The following UTRN variants were observed in gnomAD, a reference collection of about 807,000 sequenced individuals.
UTRN encodes the protein dystrophin-related protein 1.
Under a neutral mutation model 463.9 loss-of-function variants are expected in UTRN, and 283 were observed. The observed-to-expected ratio is 0.61, with a 90% confidence interval of 0.55 to 0.67. UTRN has a LOEUF of 0.67. Among genes scored for constraint, UTRN ranks in the 30% least tolerant of loss-of-function variants. The pLI, the probability that UTRN is intolerant of heterozygous loss-of-function variation, is 0.00. For missense variants in UTRN, 3,922 were observed against 4,084.3 expected (o/e 0.96, Z 1.08); for synonymous variants, 1,442 against 1,431.5 (o/e 1.01, Z -0.17).
At position 144,539,434 on chromosome 6, in the gene UTRN, A is replaced by G. The variant is rs1191558111; in HGVS notation, c.6510A>G (p.Thr2170=). 1 of 1,606,546 alleles carries G rather than the reference A, an allele frequency of 6.2e-7. No individual in the cohort carries two copies. The highest frequency in any genetic ancestry group is 8.5e-7 in the Non-Finnish European group (1 of 1,177,080). The change falls in exon 45 of 75, where the codon ACA becomes ACG. Residue 2170 remains threonine, a synonymous_variant. Coordinates refer to ENST00000367545, the MANE Select transcript of UTRN (RefSeq NM_007124.3). ...ISESLRTVNM[T]WNKICREVPT... is the part of the protein sequence containing the mutation. Reference sequence around the variant, plus strand: ...AAAGCTTAAGGACTGTAAATATGACATGGAATAAGGTGTGTGTAAAGTTAC... The same window carrying G: ...AAAGCTTAAGGACTGTAAATATGACGTGGAATAAGGTGTGTGTAAAGTTAC...
At chr6:144,312,820 A>G (rs1346272314) in intron 2 of UTRN, among the ~76,000 whole-genome samples, 1 of 152,130 alleles carries the variant, frequency 6.6e-6, no homozygotes, top group Non-Finnish European at 1.5e-5. Context: ...CTGAGGCTGG[A>G]TATTATATTC....
rs181486347 is a variant in UTRN at position 144,729,114 on chromosome 6, A to G, written c.7810-1243A>G. 2.6e-3 allele frequency among the ~76,000 whole-genome samples: 395 copies of G among 151,964 alleles called. 4 individuals are homozygous for G. Among genetic ancestry groups the G allele is most frequent in the African/African-American group, 9.0e-3 (373 of 41,436 alleles). On this transcript the variant is annotated intron_variant, in intron 53 of 74. Coordinates refer to ENST00000367545, the MANE Select transcript of UTRN (RefSeq NM_007124.3). Reference sequence around the variant, plus strand: ...ATGGCCTTATTCAATCAAGCACTCTACTCTTGATTTACTGCTAAATCCTCC... The same window carrying G: ...ATGGCCTTATTCAATCAAGCACTCTGCTCTTGATTTACTGCTAAATCCTCC...
At chr6:144,658,447 T>C (rs1428882252) in intron 51 of UTRN, among the ~76,000 whole-genome samples, 1 of 152,212 alleles carries the variant, frequency 6.6e-6, no homozygotes, top group East Asian at 1.9e-4. Context: ...TTAAATGGAA[T>C]CTCTTACGAC....
chr6:144,485,117 G>A (rs1319221860), intron 27 of UTRN, among the ~76,000 whole-genome samples: 1 of 151,658 alleles, frequency 6.6e-6, no homozygotes, highest in Non-Finnish European at 1.5e-5. Context: ...GTAGAGACAG[G>A]GTTTCACCGT....
At chr6:144,350,560 A>G (rs1213147600) in intron 2 of UTRN, among the ~76,000 whole-genome samples, 1 of 152,242 alleles carries the variant, frequency 6.6e-6, no homozygotes, top group Non-Finnish European at 1.5e-5. Context: ...CGTCATCTAC[A>G]ACAGATGACA....
intron 25 of UTRN, among the ~76,000 whole-genome samples, chr6:144,475,277 A>G (rs1342778310): frequency 6.6e-6 from 1 of 152,234 alleles, no homozygotes; most frequent in Admixed American, 6.5e-5. Flanking sequence ...ATGTTTGAAT[A>G]AAGAACTGAG....
rs1336167620 is a variant in UTRN, at chr6:144,458,870, G to A, written c.2385G>A (p.Gln795=). 6.2e-7 allele frequency: 1 copy of A among 1,613,768 alleles called. No homozygotes were observed. The change falls in exon 20 of 75, where the codon CAG becomes CAA. Residue 795 remains glutamine (Q), a synonymous_variant. Transcript: ENST00000367545. ...TGGAAGATCTAGAAAGAAAGATTCA[G>A]CTACAGGAAGATATAAATGCTTATT... ...QHLEDLERKI[Q]LQEDINAYFK... is the part of the protein sequence containing the mutation.
intron 2 of UTRN, among the ~76,000 whole-genome samples, chr6:144,314,326 C>A (rs763939719): frequency 6.6e-6 from 1 of 152,170 alleles, no homozygotes; most frequent in Non-Finnish European, 1.5e-5. Flanking sequence ...GTCTGCTCAG[C>A]CTTTTAGCTC....
chr6:144,408,831 T>G (rs1783638950), intron 3 of UTRN, among the ~76,000 whole-genome samples: 1 of 152,104 alleles, frequency 6.6e-6, no homozygotes, highest in Non-Finnish European at 1.5e-5. Flanking sequence ...GGAGGTGCAA[T>G]AAAAGGAGCC....
Position 144,440,483 on chromosome 6 carries a change from G to C in UTRN, c.1512+12G>C. On this transcript the variant is annotated intron_variant, in intron 13 of 74. Coordinates refer to ENST00000367545, the MANE Select transcript of UTRN (RefSeq NM_007124.3). ...AAGACCAGTTACAGGTAAGAGTGCT[G>C]TAAAGTTGGATAATCCTGAGGGACC... 16 of 1,614,046 alleles carry C rather than the reference G, an allele frequency of 9.9e-6. No individual in the cohort carries two copies. Among genetic ancestry groups the C allele is most frequent in the Non-Finnish European group, 1.4e-5 (16 of 1,179,940 alleles).
intron 51 of UTRN, among the ~76,000 whole-genome samples, chr6:144,633,278 G>A (rs892842751): frequency 7.1e-6 from 1 of 139,918 alleles, no homozygotes; most frequent in African/African-American, 2.8e-5. Flanking sequence ...CACCCAGGCT[G>A]AAGTGCAATG....
chr6:144,479,375 T>A (rs1392690109), intron 25 of UTRN, among the ~76,000 whole-genome samples: 1 of 152,208 alleles, frequency 6.6e-6, no homozygotes, highest in Non-Finnish European at 1.5e-5. Context: ...TGCCGTGGCC[T>A]CCCAAAGTGC....
intron 33 of UTRN, among the ~76,000 whole-genome samples, chr6:144,495,589 C>T (rs888325059): frequency 6.6e-6 from 1 of 152,220 alleles, no homozygotes; most frequent in Admixed American, 6.5e-5. Flanking sequence ...AAGGGGTTCC[C>T]ACAGTGCAGC....
chr6:144,296,865 G>A (rs140784639), intron 2 of UTRN, among the ~76,000 whole-genome samples: 114 of 152,310 alleles, frequency 7.5e-4, no homozygotes, highest in African/African-American at 2.7e-3. Context: ...GACAAGGGAA[G>A]GCCAATTGTA....
At chr6:144,307,817 GTT>G (rs57723474) in intron 2 of UTRN, among the ~76,000 whole-genome samples, 2,665 of 143,458 alleles carry the variant, frequency 0.019, 84 homozygotes, top group African/African-American at 0.063. Context: ...GTCTGCCTCA[GTT>G]TTTTTTTTTT....
At chr6:144,531,627 G>C (rs1223860191) in intron 42 of UTRN, among the ~76,000 whole-genome samples, 1 of 152,138 alleles carries the variant, frequency 6.6e-6, no homozygotes, top group Non-Finnish European at 1.5e-5. Context: ...TGGAGCGACA[G>C]CAGGGCAGCT....
At chr6:144,754,929 C>A in intron 57 of UTRN, 131 bp downstream of exon 57, 1 of 795,436 alleles carries the variant, frequency 1.3e-6, no homozygotes, top group Non-Finnish European at 1.9e-6. Flanking sequence ...GAGGTACTAA[C>A]ATCAAAGAAA....
intron 53 of UTRN, among the ~76,000 whole-genome samples, chr6:144,705,725 C>T (rs1785026060): frequency 6.6e-6 from 1 of 151,912 alleles, no homozygotes; most frequent in Non-Finnish European, 1.5e-5. Context: ...ATTGTTCTGA[C>T]AATCAAATGA....
At position 144,748,245 on chromosome 6, in the gene UTRN, G is replaced by T; in HGVS notation, c.7940-1G>T. ...ATTCTTTTTCTTTTTTTTAATCACAGAATTAACTCCTGAGGAGAGAGCCCA... is the reference window on the plus strand; with the variant it reads ...ATTCTTTTTCTTTTTTTTAATCACATAATTAACTCCTGAGGAGAGAGCCCA... On this transcript the variant is annotated splice_acceptor_variant, in intron 54 of 74. Transcript: ENST00000367545. LOFTEE classifies it high-confidence loss of function. The T allele has an allele frequency of 6.3e-7, 1 of 1,598,208 alleles. No individual in the cohort carries two copies.
Sources: allele counts gnomAD v4.1 joint callset (sites outside exome capture counted in the v4.1 genomes callset), GRCh38; gene constraint gnomAD v4.1.1; transcripts MANE v1.5; gene names NCBI Gene and HGNC (gene_info 2026-07-23, HGNC 2026-07-21).